The following SALL2 variants were observed in gnomAD, a reference collection of about 807,000 sequenced individuals.
The protein encoded by SALL2 is spalt like transcription factor 2.
SALL2 carries 32 observed loss-of-function variants against 58.5 expected under a neutral mutation model. The observed-to-expected ratio is 0.55, with a 90% confidence interval of 0.41 to 0.74. The LOEUF (loss-of-function observed/expected upper bound fraction) is 0.74, where lower values mean the gene tolerates loss of function less well. SALL2 is among the 30% of genes least tolerant of loss of function. The pLI, the probability that SALL2 is intolerant of heterozygous loss-of-function variation, is 0.00. For missense variants in SALL2, 1,201 were observed against 1,268.9 expected, an observed-to-expected ratio of 0.95 and a Z score of 0.81; for synonymous variants, 516 against 513.6, an observed-to-expected ratio of 1.00 and a Z score of -0.06.
rs764790797 is a variant in SALL2 at position 21,524,820 on chromosome 14, G to T, written c.902C>A (p.Ser301Tyr). 8.7e-6 allele frequency: 14 copies of T among 1,611,132 alleles called. No individual in the cohort carries two copies. In the Admixed American group the frequency reaches 1.5e-4, roughly 17 times the overall value. ...GRSHKPTPAP[S>Y]PALPGSTDQL... ...ATCTGTGCTGCCTGGCAAGGCTGGG[G>T]AAGGGGCAGGGGTGGGTTTGTGGCT... The change falls in exon 2 of 2, where the codon TCC becomes TAC. Residue 301 changes from serine (S) to tyrosine (Y), a missense_variant. Transcript: ENST00000537235.
At chr14:21,526,490 A>G, upstream of SALL2, 1 of 1,246,204 alleles carries the variant, frequency 8.0e-7, no homozygotes, top group Non-Finnish European at 1.0e-6. Flanking sequence ...AGGCGCAGTG[A>G]CAGGTGCTGT....
At chr14:21,532,528 C>A (rs1229384582) in intron 1 of SALL2, among the ~76,000 whole-genome samples, 4 of 152,142 alleles carry the variant, frequency 2.6e-5, no homozygotes, top group Non-Finnish European at 5.9e-5. Flanking sequence ...GTAATCCCAG[C>A]TGTTCAGGAG....
chr14:21,531,465 G>A (rs1432361913), intron 1 of SALL2, among the ~76,000 whole-genome samples: 1 of 152,144 alleles, frequency 6.6e-6, no homozygotes, highest in Non-Finnish European at 1.5e-5. Flanking sequence ...GGAGTGCAAT[G>A]GCACGATCTT....
chr14:21,528,807 G>T (rs974469143), upstream of SALL2, among the ~76,000 whole-genome samples: 21 of 152,140 alleles, frequency 1.4e-4, no homozygotes, highest in Non-Finnish European at 2.9e-4. Context: ...AGGGCCCTGT[G>T]TGGCTTCTAC....
At position 21,523,323 on chromosome 14, in the gene SALL2, G is replaced by A; in HGVS notation, c.2399C>T (p.Ser800Leu). 6.2e-7 allele frequency: 1 copy of A among 1,613,636 alleles called. No individual in the cohort carries two copies. The highest frequency in any genetic ancestry group is 8.5e-7 in the Non-Finnish European group (1 of 1,180,008). ...CTCCTCTGCCCCAGATGCCTCTTCT[G>A]AATCACCTCTCACTGATATTGCCTT... ...GEKAISVRGD[S>L]EEASGAEEEV... The change falls in exon 2 of 2, where the codon TCA becomes TTA. Residue 800 changes from serine to leucine, a missense_variant. Coordinates refer to ENST00000537235, the MANE Select transcript of SALL2 (RefSeq NM_001364564.1). This position sits in a 1 kb window ranked among gnomAD's most constrained non-coding sequence, Gnocchi z 4.4.
chr14:21,529,501 T>C (rs2139679319), upstream of SALL2, among the ~76,000 whole-genome samples: 1 of 152,112 alleles, frequency 6.6e-6, no homozygotes, highest in East Asian at 1.9e-4. Context: ...CCATTAGGAT[T>C]ACCAGAAGAG....
At position 21,522,183 on chromosome 14, in the gene SALL2, G is replaced by A. The variant is rs766541876; in HGVS notation, c.*521C>T. On this transcript the variant is annotated 3_prime_UTR_variant, in exon 2 of 2. Transcript: ENST00000537235. ...GGCCAGGCTTGGAGTGGTAGTGGAG[G>A]TGGAGCTGGAATTCCAGGGCTTCAT... The A allele has an allele frequency of 3.8e-6, 6 of 1,597,868 alleles. No individual in the cohort carries two copies. In the South Asian group the frequency reaches 4.4e-5, roughly 12 times the overall value.
At chr14:21,530,167 T>G (rs1892419122), upstream of SALL2, among the ~76,000 whole-genome samples, 1 of 152,200 alleles carries the variant, frequency 6.6e-6, no homozygotes, top group African/African-American at 2.4e-5. Flanking sequence ...TTGATATAAT[T>G]TACACCTTAC....
chr14:21,524,308 G>A lies in SALL2; in HGVS notation c.1414C>T (p.Arg472Cys), dbSNP rs377724283. 4 of 1,613,748 alleles carry A rather than the reference G, an allele frequency of 2.5e-6. No individual in the cohort carries two copies. Among genetic ancestry groups the A allele is most frequent in the East Asian group, 2.2e-5 (1 of 44,878 alleles). Reference sequence around the variant, plus strand: ...GTTGTGGAGGCCACCAGAGGCTTGCGCTCAACCCCTCCACCTGGAGTGGCT... The same window carrying A: ...GTTGTGGAGGCCACCAGAGGCTTGCACTCAACCCCTCCACCTGGAGTGGCT... Reference protein sequence around the residue: ...EAATPGGGVERKPLVASTTAL... With the variant: ...EAATPGGGVECKPLVASTTAL... The change falls in exon 2 of 2, where the codon CGC becomes TGC. Residue 472 changes from arginine to cysteine, a missense_variant. This residue lies in a region of SALL2 where 675 missense variants were observed against 683.8 expected (regional missense o/e 0.99). Coordinates refer to ENST00000537235, the MANE Select transcript of SALL2 (RefSeq NM_001364564.1).
chr14:21,528,794 G>GA (rs1892388255), upstream of SALL2, among the ~76,000 whole-genome samples: 1 of 152,140 alleles, frequency 6.6e-6, no homozygotes, highest in South Asian at 2.1e-4. Flanking sequence ...TAATGCTAGA[G>GA]AAAGGGCCCT....
At chr14:21,526,386 T>G, upstream of SALL2, 72 of 1,040,800 alleles carry the variant, frequency 6.9e-5, no homozygotes, top group South Asian at 5.0e-4. Context: ...GGGGAGGAGC[T>G]GCTGGGGAGG....
rs956514711 is a variant in SALL2, at chr14:21,523,274, T to C, written c.2448A>G (p.Ala816=). The part of the protein sequence containing the change: ...AEEEVGTVAA[A]ATAGKEMDSN... ...TGTCCATCTCCTTCCCAGCTGTGGC[T>C]GCTGCCGCCACTGTCCCCACCTCCT... The change falls in exon 2 of 2, where the codon GCA becomes GCG. Residue 816 remains alanine (A), a synonymous_variant. Transcript: ENST00000537235. This position sits in a 1 kb window ranked among gnomAD's most constrained non-coding sequence, Gnocchi z 4.4. 2 of 1,613,406 alleles carry C rather than the reference T, an allele frequency of 1.2e-6. No individual in the cohort carries two copies. The highest frequency in any genetic ancestry group is 1.7e-6 in the Non-Finnish European group (2 of 1,179,998).
At chr14:21,534,461 G>A (rs2139684853) in intron 1 of SALL2, among the ~76,000 whole-genome samples, 1 of 152,244 alleles carries the variant, frequency 6.6e-6, no homozygotes, top group Non-Finnish European at 1.5e-5. Context: ...CTATGGGGAT[G>A]GCTTTGTAGC....
At chr14:21,527,813 A>G (rs1033184256), upstream of SALL2, among the ~76,000 whole-genome samples, 7 of 151,354 alleles carry the variant, frequency 4.6e-5, no homozygotes, top group African/African-American at 1.7e-4. Flanking sequence ...GTGAATAACC[A>G]CTGCCCTCCA....
At position 21,522,038 on chromosome 14, in the gene SALL2, C is replaced by T. The variant is rs558781041; in HGVS notation, c.*666G>A. The stretch of plus-strand genomic sequence containing the variant: ...TCTTGTCTATGATGGGCTTCTCAGG[C>T]ACTGCCTTGGGTGCAGGAGGCTGAA... On this transcript the variant is annotated 3_prime_UTR_variant, in exon 2 of 2. Transcript: ENST00000537235. The T allele has an allele frequency of 3.6e-5, 57 of 1,595,474 alleles. No homozygotes were observed. In the East Asian group the frequency reaches 1.1e-3, roughly 31 times the overall value.
Position 21,522,261 on chromosome 14 carries a change from C to T in SALL2, c.*443G>A. The T allele has an allele frequency of 1.3e-6, 2 of 1,572,038 alleles. No homozygotes were observed. The highest frequency in any genetic ancestry group is 2.3e-5 in the East Asian group (1 of 43,924). ...ATACTGGTTCTAGAAAGATAGGGGA[C>T]CCATACCCACCAGCTGAGCAGAAAG... On this transcript the variant is annotated 3_prime_UTR_variant, in exon 2 of 2. Coordinates refer to ENST00000537235, the MANE Select transcript of SALL2 (RefSeq NM_001364564.1).
intron 1 of SALL2, among the ~76,000 whole-genome samples, chr14:21,533,419 G>A (rs1434752347): frequency 1.3e-5 from 2 of 152,022 alleles, no homozygotes; most frequent in African/African-American, 4.8e-5. Flanking sequence ...TCCATCTAAA[G>A]TACTCCCCTC....
Position 21,525,417 on chromosome 14 carries a change from G to C in SALL2, c.305C>G (p.Ser102Cys), listed in dbSNP as rs562122046. The change falls in exon 2 of 2, where the codon TCC (serine) becomes TGC (cysteine). Residue 102 changes from serine (S) to cysteine (C), a missense_variant. Physicochemically the swap from Ser to Cys is moderately radical, Grantham distance 112 (BLOSUM62 -1). Around this residue, in one of 3 missense-constraint regions of SALL2, gnomAD observed 467 missense variants for 468.9 expected, o/e 1.00. Coordinates refer to ENST00000537235, the MANE Select transcript of SALL2 (RefSeq NM_001364564.1). This position sits in a 1 kb window ranked among gnomAD's most constrained non-coding sequence, Gnocchi z 4.4. ...TEHSNPPDSG[S>C]SVPTDPTWGP... ...CCAGGTGGGATCCGTGGGCACGGAG[G>C]ACCCAGAATCTGGGGGGTTGCTATG... 6.2e-7 allele frequency: 1 copy of C among 1,614,020 alleles called. No homozygotes were observed. The highest frequency in any genetic ancestry group is 1.1e-5 in the South Asian group (1 of 91,070).
Position 21,524,482 on chromosome 14 carries a change from G to A in SALL2, c.1240C>T (p.Leu414Phe). The change falls in exon 2 of 2, where the codon CTC becomes TTC. Residue 414 changes from leucine (L) to phenylalanine (F), a missense_variant. Physicochemically the swap from Leu to Phe is conservative, Grantham distance 22. This residue lies in a region of SALL2 where 59 missense variants were observed against 116.2 expected (regional missense o/e 0.51). Coordinates refer to ENST00000537235, the MANE Select transcript of SALL2 (RefSeq NM_001364564.1). The stretch of plus-strand genomic sequence containing the variant: ...CGATGCCGGTGGAAATGCACTTTGA[G>A]GTTGCCACGGGTGGTAAAACGGTTT... ...CGNRFTTRGN[L>F]KVHFHRHREK... 6.2e-7 allele frequency: 1 copy of A among 1,614,236 alleles called. No individual in the cohort carries two copies. Among genetic ancestry groups the A allele is most frequent in the Non-Finnish European group, 8.5e-7 (1 of 1,180,058 alleles).
Sources: allele counts gnomAD v4.1 joint callset (sites outside exome capture counted in the v4.1 genomes callset), GRCh38; gene constraint gnomAD v4.1.1; regional missense constraint gnomAD v4.1.1; non-coding constraint Gnocchi (gnomAD v3.1); transcripts MANE v1.5; gene names NCBI Gene and HGNC (gene_info 2026-07-23, HGNC 2026-07-21).